CEP128: variants seen among roughly 807,000 people sequenced by gnomAD.
CEP128 encodes the protein centrosomal protein 128kDa.
In CEP128, 132 loss-of-function variants were observed where a neutral mutation model predicts 156.7. The observed-to-expected ratio is 0.84, with a 90% CI of 0.73 to 0.97. The LOEUF is 0.97. CEP128 is among the 50% of genes least tolerant of loss of function. CEP128 has a pLI of 0.00. For synonymous variants in CEP128, 469 were observed against 448.9 expected (o/e 1.04, Z -0.57); for missense variants, 1,252 against 1,281.9 (o/e 0.98, Z 0.36).
chr14:80,738,853 G>A (rs149420542), intron 19 of CEP128, among the ~76,000 whole-genome samples: 5 of 152,168 alleles, frequency 3.3e-5, no homozygotes, highest in Admixed American at 3.3e-4. Context: ...CACATAAGGG[G>A]AGTCTACTGC....
intron 19 of CEP128, among the ~76,000 whole-genome samples, chr14:80,677,487 C>T (rs111956647): frequency 7.6e-5 from 9 of 119,014 alleles, no homozygotes; most frequent in African/African-American, 2.8e-4. Flanking sequence ...CCAGCCTGGG[C>T]GACACAGCAA....
At chr14:80,836,162 C>T (rs1296724913) in intron 12 of CEP128, 43 bp downstream of exon 12, 1 of 1,596,194 alleles carries the variant, frequency 6.3e-7, no homozygotes, top group East Asian at 2.2e-5. Flanking sequence ...CCAAAAAGCC[C>T]CCACACACAT....
At chr14:80,940,217 A>T (rs1886069008) in intron 1 of CEP128, among the ~76,000 whole-genome samples, 1 of 152,236 alleles carries the variant, frequency 6.6e-6, no homozygotes, top group South Asian at 2.1e-4. Flanking sequence ...AACTGTCAAG[A>T]AACAGTTCAA....
intron 19 of CEP128, among the ~76,000 whole-genome samples, chr14:80,617,966 C>T (rs113813855): frequency 6.6e-6 from 1 of 152,194 alleles, no homozygotes; most frequent in Non-Finnish European, 1.5e-5. Flanking sequence ...TCTCTGCACT[C>T]TAGCTTTTTC....
chr14:80,485,694 G>C (rs369768510), downstream of CEP128, among the ~76,000 whole-genome samples: 5 of 152,098 alleles, frequency 3.3e-5, no homozygotes, highest in African/African-American at 1.2e-4. Flanking sequence ...AGGTCCACAA[G>C]AATTTAGCAA....
chr14:80,692,250 G>A (rs938652211), intron 19 of CEP128, among the ~76,000 whole-genome samples: 1 of 152,146 alleles, frequency 6.6e-6, no homozygotes. Flanking sequence ...AAATGCAGAA[G>A]TTTAGTTGGG....
intron 13 of CEP128, chr14:80,830,239 A>C (rs1056225755): frequency 1.5e-6 from 1 of 653,326 alleles, no homozygotes; most frequent in African/African-American, 1.8e-5. Flanking sequence ...TATCTTTACA[A>C]TCCAAATCTT....
intron 19 of CEP128, among the ~76,000 whole-genome samples, chr14:80,691,995 C>T (rs927656457): frequency 6.6e-6 from 1 of 152,100 alleles, no homozygotes; most frequent in African/African-American, 2.4e-5. Context: ...CTCTTGCACA[C>T]GGACAGGCTG....
At chr14:80,691,946 G>A (rs1354353335) in intron 19 of CEP128, among the ~76,000 whole-genome samples, 2 of 152,116 alleles carry the variant, frequency 1.3e-5, no homozygotes, top group African/African-American at 4.8e-5. Flanking sequence ...GAAAAGCAAA[G>A]AAAATATGCA....
chr14:80,513,645 C>T (rs1193332832), intron 23 of CEP128, among the ~76,000 whole-genome samples: 1 of 152,124 alleles, frequency 6.6e-6, no homozygotes, highest in Non-Finnish European at 1.5e-5. Flanking sequence ...ATTTTTTAAT[C>T]TTGCCCAAAT....
rs79251375 is a variant in CEP128, at chr14:80,680,046, G to C, written c.2806+63029C>G. Among the ~76,000 whole-genome samples the C allele has an allele frequency of 5.5e-3, 840 of 152,336 alleles. 4 individuals carry two copies. Among genetic ancestry groups the C allele is most frequent in the African/African-American group, 0.018 (759 of 41,576 alleles). ...GCAGCGTAGTTGCGCATGCATTTTA[G>C]TCTTGAGCCAGAGATTGGAGTGCCT... is the stretch of plus-strand genomic sequence containing the variant. On this transcript the variant is annotated intron_variant, in intron 19 of 24. Coordinates refer to ENST00000555265, the MANE Select transcript of CEP128 (RefSeq NM_152446.5).
chr14:80,571,975 T>C (rs1487646365), intron 20 of CEP128, among the ~76,000 whole-genome samples: 2 of 152,224 alleles, frequency 1.3e-5, no homozygotes, highest in East Asian at 1.9e-4. Context: ...TGGAGGATTG[T>C]TGCGAGTAAT....
At chr14:80,789,351 G>A (rs960941033) in intron 14 of CEP128, among the ~76,000 whole-genome samples, 1 of 152,050 alleles carries the variant, frequency 6.6e-6, no homozygotes, top group Non-Finnish European at 1.5e-5. Context: ...CGGAACTGAA[G>A]GCTTGGACAT....
chr14:80,720,551 G>A (rs1003050497), intron 19 of CEP128, among the ~76,000 whole-genome samples: 2 of 152,066 alleles, frequency 1.3e-5, no homozygotes, highest in Admixed American at 1.3e-4. Flanking sequence ...AATAAAGCAG[G>A]AATAAAAATA....
At chr14:80,870,402 C>T (rs1404748081) in intron 8 of CEP128, among the ~76,000 whole-genome samples, 1 of 151,984 alleles carries the variant, frequency 6.6e-6, no homozygotes, top group Non-Finnish European at 1.5e-5. Flanking sequence ...AATCATTACA[C>T]CATGATCACT....
chr14:80,581,154 C>G (rs1182412696), intron 19 of CEP128, among the ~76,000 whole-genome samples: 1 of 152,176 alleles, frequency 6.6e-6, no homozygotes, highest in Non-Finnish European at 1.5e-5. Flanking sequence ...AACATATTTT[C>G]TGCCTGCAGC....
At chr14:80,559,647 A>C (rs1890586162) in intron 20 of CEP128, among the ~76,000 whole-genome samples, 1 of 152,250 alleles carries the variant, frequency 6.6e-6, no homozygotes, top group Non-Finnish European at 1.5e-5. Context: ...ACAACTAGAC[A>C]AGAGTAGTGA....
At position 80,562,995 on chromosome 14, in the gene CEP128, A is replaced by T. The variant is rs148906574; in HGVS notation, c.2857-3693T>A. Among the ~76,000 whole-genome samples, 709 of 152,242 alleles carry T rather than the reference A, an allele frequency of 4.7e-3. 1 individual carries two copies. Among genetic ancestry groups the T allele is most frequent in the Middle Eastern group, 6.8e-3 (2 of 294 alleles). Reference sequence around the variant, plus strand: ...TGTCAAAGCTTTGATATGCTTCATGATTAAAAAAGAAAAAGCCAGTATATG... The same window carrying T: ...TGTCAAAGCTTTGATATGCTTCATGTTTAAAAAAGAAAAAGCCAGTATATG... On this transcript the variant is annotated intron_variant, in intron 20 of 24. Transcript: ENST00000555265.
chr14:80,632,541 A>G (rs1286673235), intron 19 of CEP128, among the ~76,000 whole-genome samples: 1 of 149,200 alleles, frequency 6.7e-6, no homozygotes, highest in African/African-American at 2.4e-5. Flanking sequence ...CTTGGAGTCC[A>G]TCATACTATA....
Sources: allele counts gnomAD v4.1 joint callset (sites outside exome capture counted in the v4.1 genomes callset), GRCh38; gene constraint gnomAD v4.1.1; transcripts MANE v1.5; gene names NCBI Gene and HGNC (gene_info 2026-07-23, HGNC 2026-07-21).